RPS6KB1: variants seen among roughly 807,000 people sequenced by gnomAD.
The protein encoded by RPS6KB1 is ribosomal protein S6 kinase beta-1.
RPS6KB1 carries 12 observed loss-of-function variants against 70.2 expected under a neutral mutation model. The observed-to-expected ratio is 0.17, with a 90% CI of 0.11 to 0.28. The LOEUF (loss-of-function observed/expected upper bound fraction) is 0.28. Among genes scored for constraint, RPS6KB1 ranks in the 10% least tolerant of loss-of-function variants. The pLI is 1.00. For missense variants in RPS6KB1, 270 were observed against 646.6 expected (o/e 0.42, Z 6.32); for synonymous variants, 175 against 211.2 (o/e 0.83, Z 1.49).
At chr17:59,918,821 T>C (rs2043109255) in intron 4 of RPS6KB1, among the ~76,000 whole-genome samples, 1 of 151,248 alleles carries the variant, frequency 6.6e-6, no homozygotes, top group African/African-American at 2.4e-5. Context: ...TGTCATTCAC[T>C]GATTATTCTT....
At chr17:59,894,337 T>C (rs1379174053) in intron 1 of RPS6KB1, among the ~76,000 whole-genome samples, 1 of 152,192 alleles carries the variant, frequency 6.6e-6, no homozygotes, top group Non-Finnish European at 1.5e-5. Context: ...GTTGTCATAC[T>C]AAATCACTGA....
rs1233485397 is a variant in RPS6KB1 at position 59,893,586 on chromosome 17, G to A, written c.141+261G>A. On this transcript the variant is annotated intron_variant, in intron 1 of 14. Transcript: ENST00000225577. The surrounding 1 kb of genome is among the most constrained non-coding windows in gnomAD (Gnocchi z 4.1). ...ATCTGAAGAGGGAAAGAGAACGGGC[G>A]CGTGGTCGATTCCTCGAGCTGTTGG... is the stretch of plus-strand genomic sequence containing the variant. Among the ~76,000 whole-genome samples, 1 of 152,216 alleles carries A rather than the reference G, an allele frequency of 6.6e-6. No individual in the cohort carries two copies. The highest frequency in any genetic ancestry group is 1.5e-5 in the Non-Finnish European group (1 of 68,030).
chr17:59,907,384 G>T (rs2042336149), intron 1 of RPS6KB1: 2 of 152,152 alleles, frequency 1.3e-5, no homozygotes, highest in Non-Finnish European at 2.9e-5. Flanking sequence ...ATAGGATTCA[G>T]TTGAATCCGT....
intron 12 of RPS6KB1, among the ~76,000 whole-genome samples, chr17:59,938,405 T>C (rs527370185): frequency 2.0e-5 from 3 of 147,342 alleles, no homozygotes; most frequent in African/African-American, 7.4e-5. Context: ...TTTTCCATTT[T>C]TTTTTTCTCC....
intron 13 of RPS6KB1, 49 bp downstream of exon 13, chr17:59,940,992 T>TG: frequency 8.5e-7 from 1 of 1,180,938 alleles, no homozygotes; most frequent in Non-Finnish European, 1.2e-6. Context: ...AGTGTGAGGA[T>TG]GGGCTCTTCA....
At chr17:59,936,432 C>T (rs770949832) in intron 11 of RPS6KB1, 32 bp from the exon 12 acceptor site, 19 of 1,603,982 alleles carry the variant, frequency 1.2e-5, no homozygotes, top group Admixed American at 1.7e-5. Flanking sequence ...GTCTAGTCCC[C>T]TCAACTTTTC....
intron 12 of RPS6KB1, among the ~76,000 whole-genome samples, chr17:59,940,511 CT>C (rs2044515642): frequency 1.3e-5 from 2 of 151,944 alleles, no homozygotes; most frequent in Admixed American, 1.3e-4. Context: ...TGGTCTCAAA[CT>C]CCTGACCTCA....
At chr17:59,906,949 C>T (rs1253385047) in intron 1 of RPS6KB1, 1 of 151,630 alleles carries the variant, frequency 6.6e-6, no homozygotes, top group Non-Finnish European at 1.5e-5. Flanking sequence ...GTGCCTTGGC[C>T]TCCAAAGTGC....
At chr17:59,924,914 C>T (rs1481095520) in intron 4 of RPS6KB1, among the ~76,000 whole-genome samples, 4 of 151,754 alleles carry the variant, frequency 2.6e-5, no homozygotes, top group South Asian at 2.1e-4. Flanking sequence ...CTGCAAGCTC[C>T]GCCTCCCAGG....
At chr17:59,940,722 C>T in intron 12 of RPS6KB1, 114 bp from the exon 13 acceptor site, 4 of 569,954 alleles carry the variant, frequency 7.0e-6, no homozygotes, top group Non-Finnish European at 3.0e-6. Flanking sequence ...TAAGACTATT[C>T]TAATACTTTA....
Position 59,893,474 on chromosome 17 carries a change from G to A in RPS6KB1, c.141+149G>A, listed in dbSNP as rs900517541. On this transcript the variant is annotated intron_variant, in intron 1 of 14. Transcript: ENST00000225577. This position sits in a 1 kb window ranked among gnomAD's most constrained non-coding sequence, Gnocchi z 4.1. ...CGGCCTGAGACAGGGGAGCGGGCGG[G>A]GCGGTCATGGCCCTAGGTGTGAGGC... The A allele has an allele frequency of 7.2e-6, 6 of 834,420 alleles. No homozygotes were observed. Among genetic ancestry groups the A allele is most frequent in the African/African-American group, 6.9e-5 (4 of 58,304 alleles). The allele number at this position is 834,420 out of a possible 1,614,324, so 51.7% of individuals were successfully genotyped here.
At chr17:59,924,330 A>G (rs1228624765) in intron 4 of RPS6KB1, among the ~76,000 whole-genome samples, 2 of 33,412 alleles carry the variant, frequency 6.0e-5, no homozygotes, top group Non-Finnish European at 9.6e-5. Context: ...CTCTGTCTAG[A>G]AAAAAAAAAT....
chr17:59,913,380 TAA>T (rs1469247527), intron 3 of RPS6KB1, among the ~76,000 whole-genome samples: 1 of 152,246 alleles, frequency 6.6e-6, no homozygotes, highest in Non-Finnish European at 1.5e-5. Context: ...TGGTTAGTAT[TAA>T]GTTTTAAGAA....
intron 1 of RPS6KB1, among the ~76,000 whole-genome samples, chr17:59,894,677 T>G (rs2041412594): frequency 6.6e-6 from 1 of 152,226 alleles, no homozygotes; most frequent in Non-Finnish European, 1.5e-5. Flanking sequence ...CGATCTCAGC[T>G]CACTGCAATC....
rs184703094 is a variant in RPS6KB1, at chr17:59,898,179, A to G, written c.141+4854A>G. Reference sequence around the variant, plus strand: ...AATGTTGGAATCTTCTCTGCTCTCTATAGCATTAAGAGTAGTAGAAAACTG... The same window carrying G: ...AATGTTGGAATCTTCTCTGCTCTCTGTAGCATTAAGAGTAGTAGAAAACTG... On this transcript the variant is annotated intron_variant, in intron 1 of 14. Transcript: ENST00000225577. Among the ~76,000 whole-genome samples, 90 of 152,236 alleles carry G rather than the reference A, an allele frequency of 5.9e-4. 1 individual carries two copies. Among genetic ancestry groups the G allele is most frequent in the African/African-American group, 2.1e-3 (86 of 41,534 alleles).
intron 4 of RPS6KB1, among the ~76,000 whole-genome samples, chr17:59,915,505 G>A (rs1464349952): frequency 2.0e-5 from 3 of 151,622 alleles, no homozygotes; most frequent in Non-Finnish European, 4.4e-5. Flanking sequence ...TCACTCTGTT[G>A]TCCAGGCTGG....
At position 59,947,892 on chromosome 17, in the gene RPS6KB1, A is replaced by G; in HGVS notation, c.*1104A>G. 2.8e-6 allele frequency: 1 copy of G among 356,588 alleles called. No individual in the cohort carries two copies. The allele number at this position is 356,588 out of a possible 1,614,324, so 22.1% of individuals were successfully genotyped here. ...TTTACAGCAAATTGGTAAGATTTTC[A>G]GTTTTACTTCTTTCTACTGTTTCTG... On this transcript the variant is annotated 3_prime_UTR_variant, in exon 15 of 15. Coordinates refer to ENST00000225577, the MANE Select transcript of RPS6KB1 (RefSeq NM_003161.4).
At chr17:59,914,588 C>G in intron 3 of RPS6KB1, 47 bp from the exon 4 acceptor site, 3 of 1,356,452 alleles carry the variant, frequency 2.2e-6, no homozygotes, top group Non-Finnish European at 3.2e-6. Flanking sequence ...AGGGAGTATG[C>G]CTGACATAGT....
intron 2 of RPS6KB1, among the ~76,000 whole-genome samples, chr17:59,911,160 G>A (rs1391536779): frequency 2.0e-5 from 3 of 152,126 alleles, no homozygotes; most frequent in Non-Finnish European, 2.9e-5. Flanking sequence ...GCGAGACTCC[G>A]TCTCAACAGC....
Sources: allele counts gnomAD v4.1 joint callset (sites outside exome capture counted in the v4.1 genomes callset), GRCh38; gene constraint gnomAD v4.1.1; non-coding constraint Gnocchi (gnomAD v3.1); transcripts MANE v1.5; gene names NCBI Gene and HGNC (gene_info 2026-07-23, HGNC 2026-07-21).